The following BMPER variants were observed in gnomAD, a reference collection of about 807,000 sequenced individuals.
BMPER encodes the protein BMP-binding endothelial regulator protein.
Under a neutral mutation model 87.3 loss-of-function variants are expected in BMPER, and 45 were observed. The observed-to-expected ratio is 0.52, with a 90% CI of 0.41 to 0.66. The LOEUF is 0.66. Among genes scored for constraint, BMPER ranks in the 30% least tolerant of loss-of-function variants. The probability of loss-of-function intolerance (pLI) is 0.00; values close to 1 mark genes in which losing one functional copy is unlikely to be tolerated. For synonymous variants in BMPER, 326 were observed against 316.2 expected (o/e 1.03, Z -0.33); for missense variants, 784 against 867.5 (o/e 0.90, Z 1.21).
At chr7:33,952,634 C>T (rs1785053228) in intron 3 of BMPER, among the ~76,000 whole-genome samples, 1 of 152,142 alleles carries the variant, frequency 6.6e-6, no homozygotes, top group Non-Finnish European at 1.5e-5. Context: ...TGACATGCAT[C>T]TATTGAGGAA....
chr7:33,979,243 T>C (rs944093206), intron 6 of BMPER, among the ~76,000 whole-genome samples: 1 of 151,914 alleles, frequency 6.6e-6, no homozygotes, highest in African/African-American at 2.4e-5. Flanking sequence ...TTACTCTGTT[T>C]TGCCTCCAGT....
Position 34,024,345 on chromosome 7 carries a change from G to A in BMPER, c.577-21961G>A, listed in dbSNP as rs186569562. On this transcript the variant is annotated intron_variant, in intron 6 of 14. Transcript: ENST00000649409. ...TGCATTTCAGCCTGGGTGACAGAGC[G>A]AAACTCTGTCTCAAAAAAAAAAAAA... is the stretch of plus-strand genomic sequence containing the variant. Among the ~76,000 whole-genome samples the A allele has an allele frequency of 6.3e-3, 431 of 68,234 alleles. 7 individuals are homozygous for A. The highest frequency in any genetic ancestry group is 0.026 in the African/African-American group (387 of 14,696). 44.8% of individuals were successfully genotyped at this position (68,234 alleles called of 152,430 possible).
At chr7:34,076,546 T>C (rs982131148) in intron 11 of BMPER, among the ~76,000 whole-genome samples, 1 of 152,086 alleles carries the variant, frequency 6.6e-6, no homozygotes, top group African/African-American at 2.4e-5. Context: ...TTCACAAACT[T>C]TTTCAGTGAC....
upstream of BMPER, chr7:33,905,196 G>A: frequency 3.4e-6 from 1 of 291,580 alleles, no homozygotes; most frequent in Non-Finnish European, 6.6e-6. Context: ...GACAGCCCCC[G>A]AAACAGTAGC....
chr7:34,046,501 T>A, intron 7 of BMPER, 96 bp downstream of exon 7: 1 of 1,321,334 alleles, frequency 7.6e-7, no homozygotes, highest in Non-Finnish European at 1.1e-6. Flanking sequence ...GATTCTCAAG[T>A]TGTCCTATTT....
At chr7:33,936,707 CA>C (rs1380168213) in intron 2 of BMPER, among the ~76,000 whole-genome samples, 11 of 152,202 alleles carry the variant, frequency 7.2e-5, no homozygotes, top group Admixed American at 6.5e-4. Context: ...GCTAATATAA[CA>C]CAGCTGTCCC....
intron 6 of BMPER, among the ~76,000 whole-genome samples, chr7:34,018,301 T>C (rs75733828): frequency 0.096 from 14,518 of 151,958 alleles, 806 homozygotes; most frequent in African/African-American, 0.16. Context: ...GGAAACCTGC[T>C]TCCTCTGTCC....
intron 6 of BMPER, among the ~76,000 whole-genome samples, chr7:34,038,689 A>G (rs1277799095): frequency 2.0e-5 from 3 of 152,204 alleles, no homozygotes; most frequent in South Asian, 2.1e-4. Flanking sequence ...GTCGTGAAGT[A>G]CAAAAGGGTT....
chr7:33,909,165 C>G (rs1473884972), intron 2 of BMPER, among the ~76,000 whole-genome samples: 1 of 152,138 alleles, frequency 6.6e-6, no homozygotes, highest in Non-Finnish European at 1.5e-5. Context: ...TCACAAAACT[C>G]CTTTGAGGGC....
At chr7:34,132,866 G>A (rs998138690) in intron 13 of BMPER, among the ~76,000 whole-genome samples, 2 of 152,138 alleles carry the variant, frequency 1.3e-5, no homozygotes, top group African/African-American at 4.8e-5. Context: ...GTCCCTGATG[G>A]TATTACCACC....
At chr7:34,024,793 G>A (rs1332691113) in intron 6 of BMPER, among the ~76,000 whole-genome samples, 1 of 151,902 alleles carries the variant, frequency 6.6e-6, no homozygotes, top group Non-Finnish European at 1.5e-5. Flanking sequence ...ATGCAAATAT[G>A]TATCAAAATC....
Position 33,937,379 on chromosome 7 carries a change from C to CAGTG in BMPER, c.311_314dup (p.Cys105Ter). 1 of 1,614,034 alleles carries CAGTG rather than the reference C, an allele frequency of 6.2e-7. No homozygotes were observed. The highest frequency in any genetic ancestry group is 1.1e-5 in the South Asian group (1 of 91,080). ...CAAGCAGAGGGGAGCCTGTTGTGAA[C>CAGTG]AGTGCAAAGGTGATTGATGTCTTGG... On this transcript the variant is annotated stop_gained and frameshift_variant, in exon 3 of 15. Coordinates refer to ENST00000649409, the MANE Select transcript of BMPER (RefSeq NM_001365308.1). LOFTEE classifies it high-confidence loss of function.
intron 6 of BMPER, chr7:34,042,807 T>C (rs959704204): frequency 2.0e-5 from 3 of 152,216 alleles, no homozygotes; most frequent in Admixed American, 2.0e-4. Flanking sequence ...CAAGACAGTT[T>C]AGCTTGGAAG....
intron 6 of BMPER, among the ~76,000 whole-genome samples, chr7:33,989,979 C>G (rs1291195123): frequency 6.6e-6 from 1 of 152,062 alleles, no homozygotes; most frequent in Admixed American, 6.5e-5. Context: ...ATCTGTATCT[C>G]TGTTTTGGTA....
At chr7:34,087,659 T>C (rs1789254173) in intron 13 of BMPER, among the ~76,000 whole-genome samples, 2 of 152,218 alleles carry the variant, frequency 1.3e-5, no homozygotes, top group African/African-American at 2.4e-5. Context: ...ATTTCTTCCG[T>C]GATTAATTCA....
At chr7:33,950,629 C>T (rs1432724362) in intron 3 of BMPER, among the ~76,000 whole-genome samples, 1 of 152,068 alleles carries the variant, frequency 6.6e-6, no homozygotes, top group African/African-American at 2.4e-5. Context: ...GCTTGTAGAC[C>T]CTTTTTAAGG....
intron 11 of BMPER, among the ~76,000 whole-genome samples, chr7:34,065,280 C>T (rs930641386): frequency 1.5e-4 from 21 of 141,230 alleles, no homozygotes; most frequent in Non-Finnish European, 2.3e-4. Context: ...GATGTTACTG[C>T]GGAGTTTTCA....
chr7:33,995,807 G>A (rs1285831189), intron 6 of BMPER, among the ~76,000 whole-genome samples: 1 of 152,172 alleles, frequency 6.6e-6, no homozygotes, highest in East Asian at 1.9e-4. Flanking sequence ...GGGGTCCCAT[G>A]TTCAGAGTCT....
intron 12 of BMPER, among the ~76,000 whole-genome samples, chr7:34,080,527 C>T (rs573427754): frequency 9.9e-5 from 15 of 152,232 alleles, no homozygotes; most frequent in Non-Finnish European, 1.8e-4. Context: ...TCAAGTTTAG[C>T]GGGATTAGTC....
Sources: gnomAD v4.1 joint callset for allele counts (sites outside exome capture counted in the v4.1 genomes callset) on GRCh38, gnomAD v4.1.1 for gene constraint, MANE v1.5 for transcripts, NCBI Gene and HGNC (gene_info 2026-07-23, HGNC 2026-07-21) for gene names.